KIAA2012: variants seen among roughly 807,000 people sequenced by gnomAD.
KIAA2012 encodes the protein KIAA2012.
A neutral mutation model predicts 150.6 loss-of-function variants in KIAA2012; 125 were observed. The ratio of observed to expected loss-of-function variants is 0.83; its 90% CI spans 0.72 to 0.96. The LOEUF (loss-of-function observed/expected upper bound fraction) is 0.96. Ranked by LOEUF, KIAA2012 falls within the 40% of genes least tolerant of loss-of-function variation. The pLI is 0.00. For synonymous variants in KIAA2012, 462 were observed against 504.7 expected (o/e 0.92, Z 1.13); for missense variants, 1,219 against 1,354.9 (o/e 0.90, Z 1.57).
intron 15 of KIAA2012, among the ~76,000 whole-genome samples, chr2:202,177,054 A>G (rs1364108607): frequency 6.6e-6 from 1 of 152,220 alleles, no homozygotes; most frequent in Admixed American, 6.5e-5. Context: ...CACCAATAGT[A>G]AAATGGATTT....
chr2:202,083,238 C>T (rs745651733), intron 2 of KIAA2012, among the ~76,000 whole-genome samples: 1 of 152,220 alleles, frequency 6.6e-6, no homozygotes, highest in Non-Finnish European at 1.5e-5. Context: ...ATCATTTGCA[C>T]AGAATCCCAA....
chr2:202,073,282 G>T lies in KIAA2012; in HGVS notation c.-346G>T. The T allele has an allele frequency of 4.8e-6, 1 of 210,106 alleles. No individual in the cohort carries two copies. The highest frequency in any genetic ancestry group is 9.6e-6 in the Non-Finnish European group (1 of 104,422). The allele number at this position is 210,106 out of a possible 1,614,324, so 13.0% of individuals were successfully genotyped here. On this transcript the variant is annotated 5_prime_UTR_variant, in exon 1 of 24. Coordinates refer to ENST00000498697, the MANE Select transcript of KIAA2012 (RefSeq NM_001277372.4). Reference sequence around the variant, plus strand: ...ACAAGAAGGATGGTGCTGTGGCCGAGATCTGTAGATGCACACGGCTGGTAA... The same window carrying T: ...ACAAGAAGGATGGTGCTGTGGCCGATATCTGTAGATGCACACGGCTGGTAA...
intron 15 of KIAA2012, among the ~76,000 whole-genome samples, chr2:202,169,861 A>C (rs543926831): frequency 1.1e-4 from 17 of 152,330 alleles, no homozygotes; most frequent in Non-Finnish European, 1.5e-5. Flanking sequence ...TCTGTAGTTT[A>C]GGGAAGGGCG....
intron 14 of KIAA2012, among the ~76,000 whole-genome samples, chr2:202,157,283 G>A (rs1691549890): frequency 1.3e-5 from 2 of 152,304 alleles, no homozygotes; most frequent in Admixed American, 6.5e-5. Flanking sequence ...CAGTCTCAGG[G>A]TAGTACAGAC....
At chr2:202,076,320 T>G (rs1689323611) in intron 2 of KIAA2012, among the ~76,000 whole-genome samples, 1 of 152,162 alleles carries the variant, frequency 6.6e-6, no homozygotes, top group African/African-American at 2.4e-5. Context: ...ATTAATGACT[T>G]GGTCATGCAT....
intron 12 of KIAA2012, among the ~76,000 whole-genome samples, chr2:202,134,607 T>C (rs761683090): frequency 2.6e-5 from 4 of 152,184 alleles, no homozygotes; most frequent in Non-Finnish European, 5.9e-5. Flanking sequence ...CAGGCTGGAG[T>C]GCAATGGCAC....
intron 2 of KIAA2012, among the ~76,000 whole-genome samples, chr2:202,083,738 G>T (rs1689502141): frequency 6.8e-6 from 1 of 146,402 alleles, no homozygotes; most frequent in Admixed American, 6.9e-5. Flanking sequence ...ATGACATATT[G>T]GTTACAAGGA....
intron 2 of KIAA2012, among the ~76,000 whole-genome samples, 190 bp from the exon 3 acceptor site, chr2:202,090,580 A>AG (rs1272376717): frequency 6.6e-6 from 1 of 152,258 alleles, no homozygotes; most frequent in African/African-American, 2.4e-5. Flanking sequence ...GCAAACCTGC[A>AG]GGGGCCTTTC....
chr2:202,098,789 C>T (rs1005057335), intron 5 of KIAA2012, among the ~76,000 whole-genome samples: 1 of 148,412 alleles, frequency 6.7e-6, no homozygotes, highest in Admixed American at 6.7e-5. Context: ...ACTCTAAGGC[C>T]GTGTGTGTGT....
At chr2:202,154,882 A>G in intron 14 of KIAA2012, 72 bp downstream of exon 14, 1 of 1,468,306 alleles carries the variant, frequency 6.8e-7, no homozygotes, top group South Asian at 1.5e-5. Context: ...ACACTTCTGC[A>G]TGGTACAAAA....
At chr2:202,132,750 A>ATATATGTGTATATATGTATATATGTG (rs1229009521) in intron 12 of KIAA2012, among the ~76,000 whole-genome samples, 17 of 103,082 alleles carry the variant, frequency 1.6e-4, no homozygotes, top group South Asian at 3.3e-4. Context: ...TATATATAGT[A>ATATATGTGTATATATGTATATATGTG]TATATGTATA....
At chr2:202,099,429 TA>T (rs1262244565) in intron 5 of KIAA2012, among the ~76,000 whole-genome samples, 183 bp from the exon 6 acceptor site, 1 of 152,174 alleles carries the variant, frequency 6.6e-6, no homozygotes, top group African/African-American at 2.4e-5. Flanking sequence ...TCATCAACAA[TA>T]AAATGTTTTA....
At chr2:202,126,512 C>T (rs778656694) in intron 12 of KIAA2012, among the ~76,000 whole-genome samples, 1 of 152,106 alleles carries the variant, frequency 6.6e-6, no homozygotes, top group South Asian at 2.1e-4. Context: ...GACATCCTGA[C>T]GAAGGTAGAA....
intron 15 of KIAA2012, among the ~76,000 whole-genome samples, chr2:202,182,439 C>A (rs534544977): frequency 6.6e-6 from 1 of 152,074 alleles, no homozygotes; most frequent in Non-Finnish European, 1.5e-5. Flanking sequence ...CGTATGATTT[C>A]TTTCACTCAA....
chr2:202,179,585 A>G (rs1212813403), intron 15 of KIAA2012: 5 of 667,998 alleles, frequency 7.5e-6, no homozygotes, highest in African/African-American at 1.8e-5. Flanking sequence ...CAACAATACT[A>G]TCTTGTGTAC....
chr2:202,138,429 C>T lies in KIAA2012; in HGVS notation c.1832-3C>T, dbSNP rs1294939945. ...CTTTTTTCCTCTTTGATTTTCACTA[C>T]AGCAAACACTGAACCTAGAGCCAAT... On this transcript the variant is annotated splice_polypyrimidine_tract_variant and splice_region_variant and intron_variant, in intron 12 of 23. Coordinates refer to ENST00000498697, the MANE Select transcript of KIAA2012 (RefSeq NM_001277372.4). 37 of 1,550,226 alleles carry T rather than the reference C, an allele frequency of 2.4e-5. No individual in the cohort carries two copies. The highest frequency in any genetic ancestry group is 2.7e-5 in the African/African-American group (2 of 73,024).
chr2:202,183,708 G>A (rs371342165), intron 15 of KIAA2012, among the ~76,000 whole-genome samples: 2 of 152,116 alleles, frequency 1.3e-5, no homozygotes, highest in South Asian at 2.1e-4. Flanking sequence ...GTTTCACCAT[G>A]TTAGCCAGGC....
chr2:202,087,624 C>G (rs959385120), intron 2 of KIAA2012, among the ~76,000 whole-genome samples: 6 of 151,886 alleles, frequency 4.0e-5, no homozygotes, highest in African/African-American at 1.5e-4. Flanking sequence ...GCTTGCCCAG[C>G]TGCTTGCCAA....
intron 2 of KIAA2012, among the ~76,000 whole-genome samples, chr2:202,088,512 T>G (rs1046599292): frequency 6.6e-6 from 1 of 152,166 alleles, no homozygotes; most frequent in Non-Finnish European, 1.5e-5. Context: ...AAGCCTCTGC[T>G]CAGTCTCCAC....
Sources: allele counts gnomAD v4.1 joint callset (sites outside exome capture counted in the v4.1 genomes callset), GRCh38; gene constraint gnomAD v4.1.1; transcripts MANE v1.5; gene names NCBI Gene and HGNC (gene_info 2026-07-23, HGNC 2026-07-21).